CADPS: variants seen among roughly 807,000 people sequenced by gnomAD.
CADPS encodes calcium-dependent secretion activator 1.
A neutral mutation model predicts 167.3 loss-of-function variants in CADPS; 57 were observed. The ratio of observed to expected loss-of-function variants is 0.34; its 90% confidence interval spans 0.28 to 0.42. The LOEUF (loss-of-function observed/expected upper bound fraction) is 0.42. CADPS is among the 20% of genes least tolerant of loss of function. The probability of loss-of-function intolerance (pLI) is 1.00; values close to 1 mark genes in which losing one functional copy is unlikely to be tolerated. For missense variants in CADPS, 1,414 were observed against 1,738.1 expected (o/e 0.81, Z 3.32); for synonymous variants, 676 against 635.3 (o/e 1.06, Z -0.96).
intron 1 of CADPS, among the ~76,000 whole-genome samples, chr3:62,811,918 G>T (rs193188974): frequency 1.2e-4 from 18 of 152,214 alleles, no homozygotes; most frequent in Admixed American, 9.8e-4. Context: ...TGGTAAGACT[G>T]CTTTTATCTA....
In CADPS at chr3:62,433,353, C is replaced by G. The variant is rs1292365301; in HGVS notation, c.3777+4751G>C. On this transcript the variant is annotated intron_variant, in intron 28 of 29. Transcript: ENST00000383710. This position sits in a 1 kb window ranked among gnomAD's most constrained non-coding sequence, Gnocchi z 4.7. ...ACAGCAAATTAAAATCCGTGCGAGG[C>G]AAAGAATACTGAGTAGCAGCCCCTT... 2.0e-5 allele frequency among the ~76,000 whole-genome samples: 3 copies of G among 152,074 alleles called. No homozygotes were observed. The highest frequency in any genetic ancestry group is 4.4e-5 in the Non-Finnish European group (3 of 68,026).
At chr3:62,552,461 G>T (rs145814569) in intron 10 of CADPS, among the ~76,000 whole-genome samples, 1 of 152,144 alleles carries the variant, frequency 6.6e-6, no homozygotes, top group Non-Finnish European at 1.5e-5. Flanking sequence ...ACATATTCTA[G>T]AAACCTGTAT....
At chr3:62,452,617 T>A (rs761364351) in intron 26 of CADPS, among the ~76,000 whole-genome samples, 8 of 152,162 alleles carry the variant, frequency 5.3e-5, no homozygotes, top group Non-Finnish European at 8.8e-5. Context: ...GATATGGGTG[T>A]CATAGTCTCA....
intron 6 of CADPS, among the ~76,000 whole-genome samples, chr3:62,626,743 A>G (rs1300443296): frequency 6.6e-6 from 1 of 152,224 alleles, no homozygotes; most frequent in African/African-American, 2.4e-5. Flanking sequence ...TGGCTACTCT[A>G]TATTTACAAT....
intron 9 of CADPS, among the ~76,000 whole-genome samples, chr3:62,568,172 G>T (rs1275708618): frequency 1.3e-5 from 2 of 152,216 alleles, no homozygotes; most frequent in Non-Finnish European, 2.9e-5. Context: ...CACACTAGCA[G>T]CACTGGCCAT....
chr3:62,453,490 C>G (rs2058321154), intron 26 of CADPS, among the ~76,000 whole-genome samples: 1 of 152,086 alleles, frequency 6.6e-6, no homozygotes, highest in Non-Finnish European at 1.5e-5. Context: ...TCTATAAAGG[C>G]AAAACCAAAA....
intron 6 of CADPS, among the ~76,000 whole-genome samples, chr3:62,600,598 C>G (rs1278123368): frequency 6.6e-6 from 1 of 152,192 alleles, no homozygotes; most frequent in Non-Finnish European, 1.5e-5. Context: ...GGGATTCTAT[C>G]TCCAAATAGT....
intron 10 of CADPS, among the ~76,000 whole-genome samples, chr3:62,556,228 G>A (rs1230711018): frequency 6.6e-6 from 1 of 152,198 alleles, no homozygotes; most frequent in Non-Finnish European, 1.5e-5. Flanking sequence ...TTCTGCTCAT[G>A]AAGGATTTCC....
At position 62,753,551 on chromosome 3, in the gene CADPS, C is replaced by T; in HGVS notation, c.778G>A (p.Ala260Thr). 1.2e-6 allele frequency: 2 copies of T among 1,614,140 alleles called. No individual in the cohort carries two copies. Among genetic ancestry groups the T allele is most frequent in the Non-Finnish European group, 8.5e-7 (1 of 1,180,032 alleles). The change falls in exon 3 of 30, where the codon GCC (alanine) becomes ACC (threonine). Residue 260 changes from alanine to threonine, a missense_variant. Ala to Thr is a moderately conservative substitution (Grantham distance 58, BLOSUM62 0). Around this residue, in one of 6 missense-constraint regions of CADPS, gnomAD observed 522 missense variants for 559.5 expected, o/e 0.93. Coordinates refer to ENST00000383710, the MANE Select transcript of CADPS (RefSeq NM_003716.4). The surrounding 1 kb of genome is among the most constrained non-coding windows in gnomAD (Gnocchi z 4.6). Reference protein sequence around the residue: ...DPRKQQARMTASAASELILSK... With the variant: ...DPRKQQARMTTSAASELILSK... ...AGAATCAGCTCGGAGGCTGCGCTGG[C>T]TGTCATCCGGGCCTGCTGCTTCCGC... is the stretch of plus-strand genomic sequence containing the variant.
intron 8 of CADPS, among the ~76,000 whole-genome samples, chr3:62,573,339 C>T (rs1460455928): frequency 6.6e-6 from 1 of 151,790 alleles, no homozygotes; most frequent in Admixed American, 6.6e-5. Flanking sequence ...ACATATTTTC[C>T]ATCCATGGTT....
intron 3 of CADPS, among the ~76,000 whole-genome samples, chr3:62,737,481 A>T (rs1564494242): frequency 7.4e-6 from 1 of 135,128 alleles, no homozygotes; most frequent in Non-Finnish European, 1.6e-5. Context: ...CAGCAAAAAA[A>T]AAAAGCAAAA....
intron 28 of CADPS, among the ~76,000 whole-genome samples, chr3:62,423,132 GT>G (rs1277353113): frequency 2.6e-5 from 4 of 152,210 alleles, no homozygotes; most frequent in African/African-American, 9.7e-5. Flanking sequence ...CTGCGCTGTA[GT>G]CTCTTTCAGC....
chr3:62,491,536 A>ACAC (rs2063694853), intron 20 of CADPS, 56 bp from the exon 21 acceptor site: 1 of 984,454 alleles, frequency 1.0e-6, no homozygotes, highest in Non-Finnish European at 1.5e-6. Context: ...ATCAACGTAC[A>ACAC]ACACACACAC....
chr3:62,856,682 A>C (rs1404060696), intron 1 of CADPS, among the ~76,000 whole-genome samples: 2 of 151,932 alleles, frequency 1.3e-5, no homozygotes, highest in Non-Finnish European at 2.9e-5. Context: ...AAATAAATTC[A>C]AATATTAATA....
chr3:62,704,240 C>A (rs2081949975), intron 3 of CADPS, among the ~76,000 whole-genome samples: 1 of 152,132 alleles, frequency 6.6e-6, no homozygotes, highest in Non-Finnish European at 1.5e-5. Flanking sequence ...TTTAATTGCA[C>A]AGGGGCATTT....
intron 8 of CADPS, among the ~76,000 whole-genome samples, chr3:62,582,607 C>T (rs2148523049): frequency 6.6e-6 from 1 of 152,200 alleles, no homozygotes; most frequent in Non-Finnish European, 1.5e-5. Context: ...TGAATAGTCC[C>T]TTAGGCAACT....
intron 1 of CADPS, among the ~76,000 whole-genome samples, chr3:62,784,677 G>A (rs1339599568): frequency 3.3e-5 from 5 of 151,216 alleles, no homozygotes; most frequent in Admixed American, 6.6e-5. Flanking sequence ...TAATACCAAC[G>A]GGTGTAACCA....
intron 10 of CADPS, among the ~76,000 whole-genome samples, chr3:62,551,090 C>T (rs1039869679): frequency 2.0e-5 from 3 of 151,336 alleles, no homozygotes; most frequent in Admixed American, 6.6e-5. Context: ...ATGCTGATGG[C>T]CTTCACACTT....
chr3:62,562,805 T>G (rs1044769254), intron 9 of CADPS, among the ~76,000 whole-genome samples: 1 of 152,226 alleles, frequency 6.6e-6, no homozygotes, highest in African/African-American at 2.4e-5. Flanking sequence ...ACTTGGCCCA[T>G]GCCTGGCCAA....
Sources: allele counts gnomAD v4.1 joint callset (sites outside exome capture counted in the v4.1 genomes callset), GRCh38; gene constraint gnomAD v4.1.1; regional missense constraint gnomAD v4.1.1; non-coding constraint Gnocchi (gnomAD v3.1); transcripts MANE v1.5; gene names NCBI Gene and HGNC (gene_info 2026-07-23, HGNC 2026-07-21).